Variants in VCL observed in about 807,000 individuals in gnomAD.
VCL encodes epididymis luminal protein 114.
A neutral mutation model predicts 125.7 loss-of-function variants in VCL; 47 were observed. The observed-to-expected ratio is 0.37, with a 90% CI of 0.30 to 0.48. The LOEUF (loss-of-function observed/expected upper bound fraction) is 0.48. Ranked by LOEUF, VCL falls within the 20% of genes least tolerant of loss-of-function variation. The pLI is 0.99. For synonymous variants in VCL, 458 were observed against 514.6 expected, an observed-to-expected ratio of 0.89 and a Z score of 1.49; for missense variants, 1,069 against 1,455.5, an observed-to-expected ratio of 0.73 and a Z score of 4.32.
rs773883360 is a variant in VCL, at chr10:74,118,104, A to G, written c.3340A>G (p.Ile1114Val). The G allele has an allele frequency of 3.1e-6, 5 of 1,614,154 alleles. No homozygotes were observed. The highest frequency in any genetic ancestry group is 2.7e-5 in the African/African-American group (2 of 75,026). The change falls in exon 22 of 22, where the codon ATC (isoleucine) becomes GTC (valine). Residue 1114 changes from isoleucine (I) to valine (V), a missense_variant. By Grantham distance (29) the Ile-to-Val change is conservative. This residue lies in a region of VCL where 91 missense variants were observed against 203.9 expected (regional missense o/e 0.45). Transcript: ENST00000211998. ...TGTGCGGGAAGCTGAAGCTGCTTCA[A>G]TCAAAATTCGAACAGATGCTGGATT... ...ETVREAEAASIKIRTDAGFTL... is the reference protein window; with the variant it reads ...ETVREAEAASVKIRTDAGFTL...
intron 1 of VCL, among the ~76,000 whole-genome samples, chr10:74,019,217 A>G (rs988896342): frequency 6.6e-6 from 1 of 152,218 alleles, no homozygotes; most frequent in Non-Finnish European, 1.5e-5. Flanking sequence ...GTTAGAAAAC[A>G]GAGAAATCTT....
intron 2 of VCL, among the ~76,000 whole-genome samples, chr10:74,061,386 G>A (rs1350109994): frequency 1.3e-5 from 2 of 152,172 alleles, no homozygotes. Flanking sequence ...GGAACCATTA[G>A]TGATAATCAA....
At chr10:74,049,410 A>G (rs1201955487) in intron 2 of VCL, among the ~76,000 whole-genome samples, 3 of 152,174 alleles carry the variant, frequency 2.0e-5, no homozygotes, top group African/African-American at 7.2e-5. Flanking sequence ...AAATTTTGTA[A>G]AAAAGAAATA....
At chr10:74,081,638 A>C (rs567101518) in intron 6 of VCL, among the ~76,000 whole-genome samples, 2 of 152,312 alleles carry the variant, frequency 1.3e-5, no homozygotes, top group East Asian at 3.9e-4. Flanking sequence ...TGTTTAAAAA[A>C]ATTTACGGAA....
chr10:73,999,660 A>C (rs1840190470), intron 1 of VCL, among the ~76,000 whole-genome samples: 2 of 152,204 alleles, frequency 1.3e-5, no homozygotes, highest in African/African-American at 4.8e-5. Context: ...GCTCTTTAGC[A>C]GCTGAAAGTC....
chr10:74,070,546 T>C lies in VCL; in HGVS notation c.240-124T>C. The C allele has an allele frequency of 2.9e-6, 4 of 1,372,704 alleles. No individual in the cohort carries two copies. The South Asian group carries it at 4.7e-5, about 16-fold the overall frequency. The allele number at this position is 1,372,704 out of a possible 1,614,324, so 85.0% of individuals were successfully genotyped here. ...AAACGTAGGTTCTATTATCAATTGG[T>C]CTTGGCTATTTTTCATGTAGGGAAA... On this transcript the variant is annotated intron_variant, in intron 2 of 21. Coordinates refer to ENST00000211998, the MANE Select transcript of VCL (RefSeq NM_014000.3).
intron 18 of VCL, among the ~76,000 whole-genome samples, chr10:74,111,630 T>C (rs1438778189): frequency 6.6e-6 from 1 of 152,218 alleles, no homozygotes; most frequent in Admixed American, 6.5e-5. Flanking sequence ...AAGAAATGGA[T>C]GCCACTTGCT....
chr10:74,043,926 G>A (rs1201805078), intron 2 of VCL, among the ~76,000 whole-genome samples: 1 of 151,654 alleles, frequency 6.6e-6, no homozygotes, highest in African/African-American at 2.4e-5. Flanking sequence ...TGGCTAACAT[G>A]GTGAAACCCT....
chr10:74,043,065 T>A lies in VCL; in HGVS notation c.169-18T>A, dbSNP rs1057521827. On this transcript the variant is annotated intron_variant, in intron 1 of 21. Coordinates refer to ENST00000211998, the MANE Select transcript of VCL (RefSeq NM_014000.3). ...CTGAGAATTTATATTTGAATTATGA[T>A]TTTTTTTCCTCTTGTAGGTTGGAAA... The A allele has an allele frequency of 1.2e-6, 2 of 1,604,700 alleles. No individual in the cohort carries two copies. The highest frequency in any genetic ancestry group is 2.7e-5 in the African/African-American group (2 of 74,802).
Sources: gnomAD v4.1 joint callset for allele counts (sites outside exome capture counted in the v4.1 genomes callset) on GRCh38, gnomAD v4.1.1 for gene constraint, gnomAD v4.1.1 regional missense constraint, MANE v1.5 for transcripts, NCBI Gene and HGNC (gene_info 2026-07-23, HGNC 2026-07-21) for gene names.